Variants in VWA3B observed in about 807,000 individuals in gnomAD.
The protein encoded by VWA3B is von Willebrand factor A domain containing 3B.
Under a neutral mutation model 158.3 loss-of-function variants are expected in VWA3B, and 138 were observed. That is an observed-to-expected ratio of 0.87 (90% CI 0.76 to 1.00). VWA3B has a LOEUF of 1.00. VWA3B is among the 50% of genes least tolerant of loss of function. The pLI, the probability that VWA3B is intolerant of heterozygous loss-of-function variation, is 0.00. For synonymous variants in VWA3B, 596 were observed against 587.3 expected (o/e 1.01, Z -0.21); for missense variants, 1,555 against 1,565.1 (o/e 0.99, Z 0.11).
chr2:98,248,831 CTT>C, intron 19 of VWA3B, among the ~76,000 whole-genome samples: 1 of 19,122 alleles, frequency 5.2e-5, no homozygotes, highest in African/African-American at 6.3e-4. Context: ...CTTTTTCTTT[CTT>C]TCTTTCTTTC....
intron 1 of VWA3B, among the ~76,000 whole-genome samples, chr2:98,090,285 A>T (rs933282473): frequency 2.0e-5 from 3 of 152,144 alleles, no homozygotes; most frequent in African/African-American, 7.2e-5. Flanking sequence ...TGTGATTCTA[A>T]ACTTTCTAGC....
chr2:98,315,448 G>A (rs1355454004), downstream of VWA3B, among the ~76,000 whole-genome samples: 1 of 152,198 alleles, frequency 6.6e-6, no homozygotes, highest in Non-Finnish European at 1.5e-5. Context: ...AAAACCAGAT[G>A]TAAACTATGT....
intron 6 of VWA3B, among the ~76,000 whole-genome samples, chr2:98,130,380 T>C (rs989180117): frequency 2.0e-5 from 3 of 152,130 alleles, no homozygotes; most frequent in African/African-American, 7.2e-5. Flanking sequence ...GAGGTATTCC[T>C]TCCTCTTTTA....
chr2:98,308,279 C>T (rs577291600), intron 26 of VWA3B, among the ~76,000 whole-genome samples: 7 of 152,270 alleles, frequency 4.6e-5, no homozygotes, highest in South Asian at 2.1e-4. Flanking sequence ...TTCTCTGACA[C>T]ACGGCTGAGA....
chr2:98,151,861 CT>C (rs1182593698), intron 7 of VWA3B, among the ~76,000 whole-genome samples: 2 of 152,096 alleles, frequency 1.3e-5, no homozygotes, highest in African/African-American at 4.8e-5. Context: ...TGGTAGTTTC[CT>C]TTTTTTCTTC....
chr2:98,098,661 C>A (rs1682875899), intron 2 of VWA3B, among the ~76,000 whole-genome samples: 1 of 151,970 alleles, frequency 6.6e-6, no homozygotes, highest in Non-Finnish European at 1.5e-5. Context: ...TTTTATACAG[C>A]CACTCTGTGT....
intron 26 of VWA3B, among the ~76,000 whole-genome samples, chr2:98,304,243 A>G (rs1387467413): frequency 6.6e-6 from 1 of 152,120 alleles, no homozygotes; most frequent in East Asian, 1.9e-4. Flanking sequence ...GAGTGAACAC[A>G]TTTTCAGGTG....
chr2:98,133,981 A>G, intron 7 of VWA3B, 42 bp downstream of exon 7: 3 of 1,535,102 alleles, frequency 2.0e-6, no homozygotes, highest in Non-Finnish European at 2.7e-6. Context: ...TATGTCCCGA[A>G]TAGCCTCAGA....
Position 98,297,922 on chromosome 2 carries a change from G to A in VWA3B, c.3173G>A (p.Cys1058Tyr), listed in dbSNP as rs1253908729. The A allele has an allele frequency of 6.4e-7, 1 of 1,557,910 alleles. No individual in the cohort carries two copies. Among genetic ancestry groups the A allele is most frequent in the Admixed American group, 2.0e-5 (1 of 51,044 alleles). The change falls in exon 24 of 28, where the codon TGT becomes TAT. Residue 1058 changes from cysteine to tyrosine, a missense_variant. Physicochemically the swap from Cys to Tyr is radical, Grantham distance 194. Coordinates refer to ENST00000477737, the MANE Select transcript of VWA3B (RefSeq NM_144992.5). ...TTCCTTCCAGGGGTTGTGAAGAAGTGTGTGAGCCGCACCCAAGCACTGGTG... is the reference window on the plus strand; with the variant it reads ...TTCCTTCCAGGGGTTGTGAAGAAGTATGTGAGCCGCACCCAAGCACTGGTG... Reference protein sequence around the residue: ...GFYFPGVVKKCVSRTQALVGF... With the variant: ...GFYFPGVVKKYVSRTQALVGF...
intron 26 of VWA3B, among the ~76,000 whole-genome samples, chr2:98,307,164 A>C (rs1161052583): frequency 6.6e-6 from 1 of 152,240 alleles, no homozygotes; most frequent in Admixed American, 6.5e-5. Flanking sequence ...ATAAAGAAAT[A>C]GCACTTGAAC....
In VWA3B at chr2:98,283,617, C is replaced by T. The variant is rs376906922; in HGVS notation, c.3046-6894C>T. Among the ~76,000 whole-genome samples the T allele has an allele frequency of 3.2e-4, 49 of 152,324 alleles. No individual in the cohort carries two copies. In the East Asian group the frequency reaches 5.2e-3, roughly 16 times the overall value. ...ATGAAGATGGAAAAACTGTGCTACT[C>T]ATGTTCTCAGTTGTGGCTGGTGCAT... is the stretch of plus-strand genomic sequence containing the variant. On this transcript the variant is annotated intron_variant, in intron 22 of 27. Transcript: ENST00000477737.
chr2:98,109,281 C>T (rs1032580609), intron 2 of VWA3B, among the ~76,000 whole-genome samples: 11 of 152,040 alleles, frequency 7.2e-5, no homozygotes, highest in African/African-American at 1.4e-4. Context: ...CGTGAGCCAC[C>T]GCGCCTGGCT....
At chr2:98,116,171 C>T (rs1476230499) in intron 3 of VWA3B, among the ~76,000 whole-genome samples, 2 of 152,210 alleles carry the variant, frequency 1.3e-5, no homozygotes, top group Non-Finnish European at 2.9e-5. Context: ...GCACCTGAGT[C>T]TCACGTCTCC....
chr2:98,308,958 G>T (rs915292666), intron 26 of VWA3B, among the ~76,000 whole-genome samples: 2 of 152,196 alleles, frequency 1.3e-5, no homozygotes, highest in Admixed American at 1.3e-4. Flanking sequence ...GATCATTTGA[G>T]GTCAGGAGTT....
At chr2:98,102,075 C>G (rs570832216) in intron 2 of VWA3B, among the ~76,000 whole-genome samples, 69 of 152,222 alleles carry the variant, frequency 4.5e-4, no homozygotes, top group African/African-American at 1.6e-3. Flanking sequence ...GGTGATCACT[C>G]TTAATGAGCA....
intron 12 of VWA3B, among the ~76,000 whole-genome samples, chr2:98,209,474 G>A (rs1047373504): frequency 6.6e-6 from 1 of 152,054 alleles, no homozygotes; most frequent in African/African-American, 2.4e-5. Flanking sequence ...TAGAGACAGT[G>A]TTTCACCATG....
At chr2:98,309,262 A>T (rs1218405086) in intron 26 of VWA3B, among the ~76,000 whole-genome samples, 1 of 152,222 alleles carries the variant, frequency 6.6e-6, no homozygotes, top group African/African-American at 2.4e-5. Flanking sequence ...TGATATCAGG[A>T]AAGCAAAATA....
intron 14 of VWA3B, among the ~76,000 whole-genome samples, chr2:98,223,621 C>A (rs1235456033): frequency 6.6e-6 from 1 of 152,194 alleles, no homozygotes; most frequent in Admixed American, 6.5e-5. Flanking sequence ...GATTTGACAG[C>A]AGACTTCCTG....
chr2:98,205,410 TCTTTTTACCTTGCAAATCTTG>T (rs1200220221), intron 12 of VWA3B, among the ~76,000 whole-genome samples: 17 of 152,304 alleles, frequency 1.1e-4, no homozygotes, highest in East Asian at 9.6e-4. Flanking sequence ...GTAATATGTG[TCTTTTTACCTTGCAAATCTTG>T]CTAGAAGTTT....
Sources: allele counts gnomAD v4.1 joint callset (sites outside exome capture counted in the v4.1 genomes callset), GRCh38; gene constraint gnomAD v4.1.1; transcripts MANE v1.5; gene names NCBI Gene and HGNC (gene_info 2026-07-23, HGNC 2026-07-21).